NBEA: variants seen among roughly 807,000 people sequenced by gnomAD.
The protein encoded by NBEA is lysosomal-trafficking regulator 2.
Under a neutral mutation model 343.4 loss-of-function variants are expected in NBEA, and 44 were observed. That is an observed-to-expected ratio of 0.13 (90% CI 0.10 to 0.16). The LOEUF (loss-of-function observed/expected upper bound fraction) is 0.16, where lower values mean the gene tolerates loss of function less well. Ranked by LOEUF, NBEA falls within the 10% of genes least tolerant of loss-of-function variation. The pLI, the probability that NBEA is intolerant of heterozygous loss-of-function variation, is 1.00. For missense variants in NBEA, 2,555 were observed against 3,631.3 expected, an observed-to-expected ratio of 0.70 and a Z score of 7.62; for synonymous variants, 1,175 against 1,238.7, an observed-to-expected ratio of 0.95 and a Z score of 1.08.
At chr13:35,035,430 A>T (rs752206043) in intron 1 of NBEA, among the ~76,000 whole-genome samples, 5 of 151,998 alleles carry the variant, frequency 3.3e-5, no homozygotes, top group Admixed American at 3.3e-4. Context: ...GTGACCTAAC[A>T]TATGGTCTGT....
chr13:35,576,030 T>G (rs891104557), intron 45 of NBEA, among the ~76,000 whole-genome samples: 2 of 152,198 alleles, frequency 1.3e-5, no homozygotes, highest in African/African-American at 4.8e-5. Context: ...GTGTTGTCAT[T>G]TAACTCGCTG....
intron 23 of NBEA, among the ~76,000 whole-genome samples, chr13:35,162,803 C>A (rs1313302377): frequency 6.6e-6 from 1 of 152,044 alleles, no homozygotes; most frequent in Non-Finnish European, 1.5e-5. Flanking sequence ...TATACCCAGT[C>A]AAGCTCAATA....
intron 35 of NBEA, among the ~76,000 whole-genome samples, chr13:35,303,405 T>C (rs1350128335): frequency 1.3e-5 from 2 of 152,154 alleles, no homozygotes; most frequent in Non-Finnish European, 2.9e-5. Flanking sequence ...TTACTCAGAC[T>C]GTAGCAGGTA....
chr13:35,390,246 A>G (rs1028081530), intron 38 of NBEA, among the ~76,000 whole-genome samples: 1 of 152,054 alleles, frequency 6.6e-6, no homozygotes, highest in Non-Finnish European at 1.5e-5. Flanking sequence ...TACCTTTTCT[A>G]TAAAAATTAA....
In NBEA at chr13:35,379,127, G is replaced by C. The variant is rs1277735437; in HGVS notation, c.6179+26804G>C. The stretch of plus-strand genomic sequence containing the variant: ...AGAGTTCTGTTGAGCATATACCTAG[G>C]ATTGGAATTGCTGAGTCATAGTGTA... On this transcript the variant is annotated intron_variant, in intron 38 of 58. Transcript: ENST00000379939. Among the ~76,000 whole-genome samples the C allele has an allele frequency of 3.9e-5, 6 of 151,912 alleles. No individual in the cohort carries two copies. The East Asian group carries it at 1.2e-3, about 29-fold the overall frequency.
chr13:35,466,008 A>G (rs149182669), intron 40 of NBEA, among the ~76,000 whole-genome samples: 37 of 152,296 alleles, frequency 2.4e-4, no homozygotes, highest in African/African-American at 8.7e-4. Context: ...TAGATGATCT[A>G]CTATGATGAA....
chr13:35,400,084 G>A (rs1319385774), intron 38 of NBEA, among the ~76,000 whole-genome samples: 2 of 150,102 alleles, frequency 1.3e-5, no homozygotes, highest in Non-Finnish European at 3.0e-5. Context: ...GAAAAAGTTT[G>A]AAATATCACA....
chr13:35,148,033 T>G (rs1028943096), intron 18 of NBEA, among the ~76,000 whole-genome samples: 4 of 152,162 alleles, frequency 2.6e-5, no homozygotes, highest in African/African-American at 7.2e-5. Flanking sequence ...GATTCTAAAA[T>G]GAGGCTGATG....
rs139161203 is a variant in NBEA at position 35,232,726 on chromosome 13, C to T, written c.5776+107C>T. The T allele has an allele frequency of 1.0e-3, 829 of 798,134 alleles. 5 individuals are homozygous for T. The African/African-American group carries it at 0.014, about 13-fold the overall frequency. The allele number at this position is 798,134 out of a possible 1,614,324, so 49.4% of individuals were successfully genotyped here. A position where few individuals can be genotyped will look rare whatever the true frequency, so the allele number is the denominator to read the frequency against. ...ATATATTTCCAAAAGAATGTAAAGG[C>T]ATTACTTCACAAATTCTAATAAGAT... On this transcript the variant is annotated intron_variant, in intron 34 of 58. Transcript: ENST00000379939.
At chr13:35,364,192 G>A (rs2040974851) in intron 38 of NBEA, among the ~76,000 whole-genome samples, 1 of 151,856 alleles carries the variant, frequency 6.6e-6, no homozygotes, top group African/African-American at 2.4e-5. Context: ...AGGGCATCTA[G>A]GAAACATCCT....
intron 36 of NBEA, among the ~76,000 whole-genome samples, chr13:35,348,616 T>C (rs927002210): frequency 6.6e-6 from 1 of 152,122 alleles, no homozygotes; most frequent in African/African-American, 2.4e-5. Flanking sequence ...ATCATCTGCA[T>C]TATTTAAAGT....
intron 51 of NBEA, among the ~76,000 whole-genome samples, chr13:35,648,983 A>G (rs1429185723): frequency 6.6e-6 from 1 of 152,078 alleles, no homozygotes; most frequent in African/African-American, 2.4e-5. Flanking sequence ...CTATGTAACA[A>G]CCTGCGTGTC....
chr13:35,135,235 A>T (rs948902093), intron 17 of NBEA, among the ~76,000 whole-genome samples: 1 of 152,062 alleles, frequency 6.6e-6, no homozygotes, highest in Non-Finnish European at 1.5e-5. Flanking sequence ...CCTATACCTT[A>T]TCCTCCATTC....
At chr13:35,370,435 G>A (rs1433572960) in intron 38 of NBEA, among the ~76,000 whole-genome samples, 1 of 151,920 alleles carries the variant, frequency 6.6e-6, no homozygotes, top group Non-Finnish European at 1.5e-5. Flanking sequence ...CTTTGCAGAT[G>A]AGATGAGATT....
chr13:35,664,597 C>T (rs1472585735), intron 55 of NBEA, among the ~76,000 whole-genome samples: 1 of 152,220 alleles, frequency 6.6e-6, no homozygotes, highest in East Asian at 1.9e-4. Context: ...GACTTTTTAG[C>T]TAGGTTCGCA....
intron 17 of NBEA, among the ~76,000 whole-genome samples, chr13:35,134,013 A>G (rs1316504850): frequency 6.6e-6 from 1 of 152,058 alleles, no homozygotes; most frequent in Non-Finnish European, 1.5e-5. Flanking sequence ...ATGGGATTTG[A>G]AAGCCCAAAA....
chr13:35,516,724 G>A (rs181124784), intron 41 of NBEA, among the ~76,000 whole-genome samples: 1 of 152,222 alleles, frequency 6.6e-6, no homozygotes, highest in Admixed American at 6.5e-5. Flanking sequence ...AGCATCCTCT[G>A]CCTTATCTTT....
At chr13:35,240,506 G>A (rs1319233045) in intron 34 of NBEA, among the ~76,000 whole-genome samples, 2 of 151,816 alleles carry the variant, frequency 1.3e-5, no homozygotes, top group African/African-American at 2.4e-5. Context: ...GATTAAATCT[G>A]TATATTCAAC....
At chr13:35,609,852 A>G (rs1158074366) in intron 48 of NBEA, among the ~76,000 whole-genome samples, 1 of 152,184 alleles carries the variant, frequency 6.6e-6, no homozygotes, top group African/African-American at 2.4e-5. Context: ...CTGTTTGGAA[A>G]TAGGAACACA....
Sources: allele counts gnomAD v4.1 joint callset (sites outside exome capture counted in the v4.1 genomes callset), GRCh38; gene constraint gnomAD v4.1.1; transcripts MANE v1.5; gene names NCBI Gene and HGNC (gene_info 2026-07-23, HGNC 2026-07-21).